The following ST7 variants were observed in gnomAD, a reference collection of about 807,000 sequenced individuals.
The protein encoded by ST7 is suppressor of tumorigenicity 7 protein.
In ST7, 28 loss-of-function variants were observed where a neutral mutation model predicts 78.7. The ratio of observed to expected loss-of-function variants is 0.36; its 90% confidence interval spans 0.26 to 0.49. The LOEUF is 0.49. Ranked by LOEUF, ST7 falls within the 20% of genes least tolerant of loss-of-function variation. ST7 has a pLI of 0.99. For synonymous variants in ST7, 247 were observed against 249.6 expected, an observed-to-expected ratio of 0.99 and a Z score of 0.10; for missense variants, 418 against 696.0, an observed-to-expected ratio of 0.60 and a Z score of 4.49.
intron 1 of ST7, among the ~76,000 whole-genome samples, chr7:116,978,627 C>T (rs1220617392): frequency 6.6e-6 from 1 of 152,072 alleles, no homozygotes; most frequent in African/African-American, 2.4e-5. Context: ...TCTCTGTTGC[C>T]CAGACTGGAG....
At chr7:117,140,626 C>G (rs1310393097) in intron 9 of ST7, among the ~76,000 whole-genome samples, 1 of 152,028 alleles carries the variant, frequency 6.6e-6, no homozygotes, top group South Asian at 2.1e-4. Flanking sequence ...TAATTTCTCT[C>G]TTCCTCTCTC....
chr7:117,086,254 T>C (rs1335718386), intron 1 of ST7, among the ~76,000 whole-genome samples: 1 of 152,224 alleles, frequency 6.6e-6, no homozygotes. Flanking sequence ...CCAGTGGTAA[T>C]ACTCATTTGT....
At chr7:116,991,728 C>T (rs575705934) in intron 1 of ST7, among the ~76,000 whole-genome samples, 88 of 152,270 alleles carry the variant, frequency 5.8e-4, no homozygotes, top group Middle Eastern at 3.4e-3. Flanking sequence ...TCCCAACAGT[C>T]CCCCAAAGTC....
intron 1 of ST7, among the ~76,000 whole-genome samples, chr7:116,955,849 G>A (rs1792444931): frequency 6.6e-6 from 1 of 152,182 alleles, no homozygotes; most frequent in East Asian, 1.9e-4. Context: ...TGTAGGGGCA[G>A]TTCTAAGAGA....
chr7:117,178,483 A>C (rs1808506037), intron 10 of ST7, among the ~76,000 whole-genome samples: 1 of 152,176 alleles, frequency 6.6e-6, no homozygotes, highest in South Asian at 2.1e-4. Context: ...TAGGGTAGTC[A>C]TTGGGAATAT....
intron 1 of ST7, among the ~76,000 whole-genome samples, chr7:117,057,246 C>A (rs889977305): frequency 6.6e-6 from 1 of 152,042 alleles, no homozygotes; most frequent in African/African-American, 2.4e-5. Context: ...AGAATAACTC[C>A]ATTTATTCTT....
At chr7:117,160,921 AACC>A (rs1807092215) in intron 9 of ST7, among the ~76,000 whole-genome samples, 1 of 152,152 alleles carries the variant, frequency 6.6e-6, no homozygotes, top group South Asian at 2.1e-4. Context: ...TCTGTCAGTG[AACC>A]TACTCTCTAA....
intron 12 of ST7, 57 bp from the exon 13 acceptor site, chr7:117,209,730 A>T (rs1792133058): frequency 6.4e-7 from 1 of 1,567,622 alleles, no homozygotes; most frequent in East Asian, 2.3e-5. Flanking sequence ...TATTTTCAAT[A>T]CTGAATTCTA....
intron 1 of ST7, among the ~76,000 whole-genome samples, chr7:116,986,263 A>G (rs1020288921): frequency 6.6e-6 from 1 of 152,126 alleles, no homozygotes; most frequent in African/African-American, 2.4e-5. Context: ...AGGGGAGGAG[A>G]TGGGACTGGT....
intron 15 of ST7, chr7:117,223,065 G>A (rs548549411): frequency 1.1e-4 from 106 of 945,310 alleles, no homozygotes; most frequent in Admixed American, 4.1e-4. Flanking sequence ...TGCTCAAGCC[G>A]GAAACTCGGC....
chr7:117,184,865 A>G (rs1360224910), intron 10 of ST7, among the ~76,000 whole-genome samples: 1 of 152,220 alleles, frequency 6.6e-6, no homozygotes, highest in Non-Finnish European at 1.5e-5. Flanking sequence ...ATAAAATATC[A>G]CCGTTGGGAG....
chr7:117,190,760 G>T lies in ST7; in HGVS notation c.1152-74G>T. ...GCTCACTGTGGTTTTATGGGCCCTA[G>T]ATGTGTAGATGCTTCCGGGTTGATG... On this transcript the variant is annotated intron_variant, in intron 11 of 15. Coordinates refer to ENST00000323984, the MANE Select transcript of ST7 (RefSeq NM_001369598.1). This position sits in a 1 kb window ranked among gnomAD's most constrained non-coding sequence, Gnocchi z 5.2. 1 of 1,205,060 alleles carries T rather than the reference G, an allele frequency of 8.3e-7. No individual in the cohort carries two copies. The highest frequency in any genetic ancestry group is 1.2e-6 in the Non-Finnish European group (1 of 815,898). The allele number at this position is 1,205,060 out of a possible 1,614,324, so 74.6% of individuals were successfully genotyped here. A position where few individuals can be genotyped will look rare whatever the true frequency, so the allele number is the denominator to read the frequency against.
At chr7:116,975,054 G>T (rs1285740275) in intron 1 of ST7, among the ~76,000 whole-genome samples, 1 of 152,120 alleles carries the variant, frequency 6.6e-6, no homozygotes, top group African/African-American at 2.4e-5. Flanking sequence ...ATACTGCTGT[G>T]AAGAAATACC....
intron 2 of ST7, among the ~76,000 whole-genome samples, chr7:117,107,683 G>A (rs1418957784): frequency 7.3e-6 from 1 of 137,024 alleles, no homozygotes; most frequent in Non-Finnish European, 1.5e-5. Context: ...GCACAATCTC[G>A]GCTCACTGCA....
At chr7:117,153,458 A>T (rs1806447737) in intron 9 of ST7, among the ~76,000 whole-genome samples, 1 of 152,140 alleles carries the variant, frequency 6.6e-6, no homozygotes, top group Non-Finnish European at 1.5e-5. Flanking sequence ...AAAAAAGAAG[A>T]GGAGGGAGAA....
At chr7:117,194,452 A>G (rs992735007) in intron 12 of ST7, among the ~76,000 whole-genome samples, 1 of 152,182 alleles carries the variant, frequency 6.6e-6, no homozygotes, top group Admixed American at 6.5e-5. Context: ...GTTCTTCTTC[A>G]TCAGAAGTAG....
intron 12 of ST7, among the ~76,000 whole-genome samples, chr7:117,205,706 C>T (rs1408722265): frequency 1.3e-5 from 2 of 152,224 alleles, no homozygotes; most frequent in East Asian, 3.8e-4. Flanking sequence ...CAGCTCTCTG[C>T]TTCTCTTCAT....
chr7:117,009,278 G>C (rs1447042834), intron 1 of ST7, among the ~76,000 whole-genome samples: 1 of 124,912 alleles, frequency 8.0e-6, no homozygotes, highest in African/African-American at 3.1e-5. Flanking sequence ...TTTGTTTTTG[G>C]CCTCTGGGAC....
At chr7:117,197,522 A>G (rs1472583388) in intron 12 of ST7, among the ~76,000 whole-genome samples, 1 of 152,234 alleles carries the variant, frequency 6.6e-6, no homozygotes, top group Non-Finnish European at 1.5e-5. Context: ...AAAAGATTAT[A>G]GCAGTTTAAA....
Sources: allele counts gnomAD v4.1 joint callset (sites outside exome capture counted in the v4.1 genomes callset), GRCh38; gene constraint gnomAD v4.1.1; non-coding constraint Gnocchi (gnomAD v3.1); transcripts MANE v1.5; gene names NCBI Gene and HGNC (gene_info 2026-07-23, HGNC 2026-07-21).